Variants in GPR180 observed in about 807,000 individuals in gnomAD.
GPR180 encodes the protein G protein-coupled receptor 180.
GPR180 carries 53 observed loss-of-function variants against 52.6 expected under a neutral mutation model. The ratio of observed to expected loss-of-function variants is 1.01; its 90% CI spans 0.81 to 1.27. The LOEUF (loss-of-function observed/expected upper bound fraction) is 1.27. Among genes scored for constraint, GPR180 ranks in the 50% most tolerant of loss-of-function variants. The pLI, the probability that GPR180 is intolerant of heterozygous loss-of-function variation, is 0.00. For synonymous variants in GPR180, 200 were observed against 193.1 expected (o/e 1.04, Z -0.30); for missense variants, 533 against 527.0 (o/e 1.01, Z -0.11).
intron 2 of GPR180, among the ~76,000 whole-genome samples, chr13:94,609,993 A>G (rs143349196): frequency 3.3e-5 from 5 of 152,324 alleles, no homozygotes; most frequent in Non-Finnish European, 7.4e-5. Context: ...ACATACAGAA[A>G]GGTTGAAATT....
chr13:94,603,466 G>A (rs934595657), intron 1 of GPR180, among the ~76,000 whole-genome samples: 4 of 152,230 alleles, frequency 2.6e-5, no homozygotes, highest in African/African-American at 9.6e-5. Flanking sequence ...TTTCAAGTGC[G>A]TTCATTCTGT....
intron 3 of GPR180, among the ~76,000 whole-genome samples, chr13:94,615,278 C>A (rs114192526): frequency 6.6e-6 from 1 of 152,180 alleles, no homozygotes; most frequent in Admixed American, 6.5e-5. Context: ...GGAAAATGTT[C>A]AATTCATTTT....
intron 8 of GPR180, 70 bp downstream of exon 8, chr13:94,626,113 TAGG>T (rs1198816029): frequency 3.0e-6 from 3 of 1,012,810 alleles, no homozygotes; most frequent in Non-Finnish European, 4.5e-6. Context: ...AATATTTAAA[TAGG>T]AGGGACCTAT....
chr13:94,615,720 G>A (rs897536205), intron 3 of GPR180, among the ~76,000 whole-genome samples: 7 of 152,168 alleles, frequency 4.6e-5, no homozygotes, highest in Non-Finnish European at 8.8e-5. Flanking sequence ...ACCTAAAGGC[G>A]CATATAGACT....
At chr13:94,626,184 A>G (rs1049751817) in intron 8 of GPR180, 141 bp downstream of exon 8, 12 of 500,686 alleles carry the variant, frequency 2.4e-5, no homozygotes, top group Non-Finnish European at 3.8e-5. Context: ...TAGTAAACCA[A>G]TAAGCAGATA....
Position 94,605,348 on chromosome 13 carries a change from A to ATGTAAGACCAAAC in GPR180, c.146-41_146-29dup, listed in dbSNP as rs774898420. 21 of 1,603,262 alleles carry ATGTAAGACCAAAC rather than the reference A, an allele frequency of 1.3e-5. No homozygotes were observed. In the South Asian group the frequency reaches 1.9e-4, roughly 14 times the overall value. ...TGAGTTGTCCTCATGTCTCAGTTTC[A>ATGTAAGACCAAAC]TGTAAGACCAAACTAGTTGATGATT... On this transcript the variant is annotated intron_variant, in intron 1 of 8. Coordinates refer to ENST00000376958, the MANE Select transcript of GPR180 (RefSeq NM_180989.6).
Position 94,623,342 on chromosome 13 carries a change from T to C in GPR180, c.1086+42T>C, listed in dbSNP as rs577688334. 1.4e-5 allele frequency: 21 copies of C among 1,467,810 alleles called. No homozygotes were observed. The South Asian group carries it at 2.5e-4, about 17-fold the overall frequency. The allele number at this position is 1,467,810 out of a possible 1,614,324, so 90.9% of individuals were successfully genotyped here. On this transcript the variant is annotated intron_variant, in intron 7 of 8. Coordinates refer to ENST00000376958, the MANE Select transcript of GPR180 (RefSeq NM_180989.6). The stretch of plus-strand genomic sequence containing the variant: ...AAAATCGTTTATTCTGATTATCCAC[T>C]TGGTTCTGGTTTCTTTGGGAAGTTA...
intron 3 of GPR180, among the ~76,000 whole-genome samples, chr13:94,615,349 C>A (rs1384221464): frequency 6.6e-6 from 1 of 152,130 alleles, no homozygotes; most frequent in Admixed American, 6.5e-5. Flanking sequence ...ATTTGCTATG[C>A]TTTTTACAGA....
At chr13:94,602,482 C>CT (rs34288293) in intron 1 of GPR180, among the ~76,000 whole-genome samples, 37,998 of 134,424 alleles carry the variant, frequency 0.28, 6,020 homozygotes, top group African/African-American at 0.43. Flanking sequence ...CTTAAATTTC[C>CT]TTTTTTTTTT....
chr13:94,619,556 A>G (rs78662502), intron 5 of GPR180, 39 bp downstream of exon 5: 15,903 of 1,496,168 alleles, frequency 0.011, 95 homozygotes, highest in Non-Finnish European at 0.012. Context: ...AAGCTTTTAC[A>G]CTCGCTATCT....
chr13:94,626,951 A>G, intron 8 of GPR180, 62 bp from the exon 9 acceptor site: 1 of 1,189,368 alleles, frequency 8.4e-7, no homozygotes. Flanking sequence ...ATTCATAATA[A>G]ATTGAATATT....
Position 94,633,428 on chromosome 13 carries a change from T to C in GPR180, c.*6257T>C, listed in dbSNP as rs1471191223. ...TGTTTTCCATGGATTGTACTAGATATCAATCTGATAAATAACTTTTATTCA... is the reference window on the plus strand; with the variant it reads ...TGTTTTCCATGGATTGTACTAGATACCAATCTGATAAATAACTTTTATTCA... On this transcript the variant is annotated 3_prime_UTR_variant, in exon 9 of 9. Coordinates refer to ENST00000376958, the MANE Select transcript of GPR180 (RefSeq NM_180989.6). 6.6e-6 allele frequency: 1 copy of C among 152,202 alleles called. No individual in the cohort carries two copies. Among genetic ancestry groups the C allele is most frequent in the Non-Finnish European group, 1.5e-5 (1 of 68,020 alleles). 9.4% of individuals were successfully genotyped at this position (152,202 alleles called of 1,614,324 possible). A position where few individuals can be genotyped will look rare whatever the true frequency, so the allele number is the denominator to read the frequency against.
intron 2 of GPR180, among the ~76,000 whole-genome samples, chr13:94,610,632 C>T (rs990350957): frequency 1.3e-5 from 2 of 152,354 alleles, no homozygotes; most frequent in South Asian, 2.1e-4. Context: ...TAGGCAGCTT[C>T]GTGTTAGTGT....
At chr13:94,606,632 G>A (rs1246185933) in intron 2 of GPR180, among the ~76,000 whole-genome samples, 1 of 152,156 alleles carries the variant, frequency 6.6e-6, no homozygotes, top group Non-Finnish European at 1.5e-5. Context: ...ATCCATATAT[G>A]GAACATGGTA....
intron 2 of GPR180, 26 bp from the exon 3 acceptor site, chr13:94,612,164 A>G: frequency 6.3e-7 from 1 of 1,575,404 alleles, no homozygotes; most frequent in Non-Finnish European, 8.7e-7. Flanking sequence ...ATTTTGTTAC[A>G]AAAGGTGTTT....
rs142632090 is a variant in GPR180, at chr13:94,608,547, A to T, written c.304+2998A>T. Among the ~76,000 whole-genome samples, 1,023 of 151,662 alleles carry T rather than the reference A, an allele frequency of 6.7e-3. 9 individuals carry two copies. The highest frequency in any genetic ancestry group is 0.02 in the Middle Eastern group (6 of 294). On this transcript the variant is annotated intron_variant, in intron 2 of 8. Coordinates refer to ENST00000376958, the MANE Select transcript of GPR180 (RefSeq NM_180989.6). ...ATTTCTACATATATGTACTTCACCA[A>T]TTTTTTTTTCCAATAACAAAATCCA...
At chr13:94,602,482 CTTTT>C (rs34288293) in intron 1 of GPR180, among the ~76,000 whole-genome samples, 14 of 134,482 alleles carry the variant, frequency 1.0e-4, no homozygotes, top group African/African-American at 3.4e-4. Context: ...CTTAAATTTC[CTTTT>C]TTTTTTTTTT....
intron 7 of GPR180, among the ~76,000 whole-genome samples, chr13:94,623,683 C>CAA (rs60779190): frequency 6.8e-4 from 50 of 73,452 alleles, no homozygotes; most frequent in East Asian, 1.2e-3. Flanking sequence ...TTCTTTTTTT[C>CAA]AAAAAAAAAA....
At chr13:94,614,792 G>A (rs146597255) in intron 3 of GPR180, among the ~76,000 whole-genome samples, 4 of 152,252 alleles carry the variant, frequency 2.6e-5, no homozygotes, top group African/African-American at 9.6e-5. Flanking sequence ...CAGCAACAAT[G>A]TTTAAACAAG....
Sources: allele counts gnomAD v4.1 joint callset (sites outside exome capture counted in the v4.1 genomes callset), GRCh38; gene constraint gnomAD v4.1.1; transcripts MANE v1.5; gene names NCBI Gene and HGNC (gene_info 2026-07-23, HGNC 2026-07-21).